PDE10A: variants seen among roughly 807,000 people sequenced by gnomAD.
PDE10A encodes cAMP and cAMP-inhibited cGMP 3',5'-cyclic phosphodiesterase 10A.
Under a neutral mutation model 97.7 loss-of-function variants are expected in PDE10A, and 39 were observed. The ratio of observed to expected loss-of-function variants is 0.40; its 90% confidence interval spans 0.31 to 0.52. The LOEUF is 0.52. Ranked by LOEUF, PDE10A falls within the 20% of genes least tolerant of loss-of-function variation. PDE10A has a pLI of 0.56. For missense variants in PDE10A, 731 were observed against 1,047.8 expected (o/e 0.70, Z 4.17); for synonymous variants, 371 against 376.8 (o/e 0.98, Z 0.18).
chr6:165,781,335 C>G (rs1160156566), intron 1 of PDE10A: 1 of 152,170 alleles, frequency 6.6e-6, no homozygotes, highest in Admixed American at 6.5e-5. Context: ...TACGGCCACA[C>G]TGTACAGACT....
At chr6:165,721,304 C>CA (rs1369101924) in intron 1 of PDE10A, among the ~76,000 whole-genome samples, 7 of 152,230 alleles carry the variant, frequency 4.6e-5, no homozygotes, top group African/African-American at 1.7e-4. Flanking sequence ...AATTACATTT[C>CA]AAAAAATCCT....
At chr6:165,465,432 T>C (rs908364355) in intron 3 of PDE10A, among the ~76,000 whole-genome samples, 1 of 152,222 alleles carries the variant, frequency 6.6e-6, no homozygotes, top group African/African-American at 2.4e-5. Flanking sequence ...CACCTTCACT[T>C]GTTCTACAGT....
intron 2 of PDE10A, among the ~76,000 whole-genome samples, chr6:165,520,586 A>G (rs969612600): frequency 6.6e-6 from 1 of 152,168 alleles, no homozygotes; most frequent in African/African-American, 2.4e-5. Flanking sequence ...TCAAGCACTA[A>G]GAATTTCCTA....
chr6:165,559,517 C>CATGT (rs1458942281), intron 1 of PDE10A, among the ~76,000 whole-genome samples: 1 of 152,304 alleles, frequency 6.6e-6, no homozygotes, highest in African/African-American at 2.4e-5. Context: ...CAATTTGAAA[C>CATGT]ATGAGAATAC....
intron 18 of PDE10A, 22 bp downstream of exon 18, chr6:165,379,172 A>G: frequency 6.5e-7 from 1 of 1,546,746 alleles, no homozygotes; most frequent in East Asian, 2.3e-5. Flanking sequence ...TGGGCTTCTA[A>G]GCTTTTAAAA....
chr6:165,520,180 A>C (rs1304592796), intron 2 of PDE10A, among the ~76,000 whole-genome samples: 1 of 152,174 alleles, frequency 6.6e-6, no homozygotes, highest in Non-Finnish European at 1.5e-5. Flanking sequence ...GTACTTCTTG[A>C]CTTATATAGA....
intron 1 of PDE10A, among the ~76,000 whole-genome samples, chr6:165,750,530 G>T (rs1324356294): frequency 6.6e-6 from 1 of 152,114 alleles, no homozygotes; most frequent in Non-Finnish European, 1.5e-5. Context: ...CTTGTCAAGG[G>T]CGAATTTATT....
rs577211380 is a variant in PDE10A, at chr6:165,854,256, C to T, written c.-615+133273G>A. 1.4e-4 allele frequency among the ~76,000 whole-genome samples: 22 copies of T among 152,268 alleles called. 1 individual carries two copies. The highest frequency in any genetic ancestry group is 7.2e-4 in the Admixed American group (11 of 15,304). Reference sequence around the variant, plus strand: ...TTTGCCTGGACGTCAGGGTGGAGCCCGGGAATCGCCCCTGCGCCGGGTGAC... The same window carrying T: ...TTTGCCTGGACGTCAGGGTGGAGCCTGGGAATCGCCCCTGCGCCGGGTGAC... On this transcript the variant is annotated intron_variant, in intron 1 of 19. Transcript: ENST00000366882.
chr6:165,870,178 G>A (rs1372607808), intron 1 of PDE10A, among the ~76,000 whole-genome samples: 2 of 152,120 alleles, frequency 1.3e-5, no homozygotes, highest in African/African-American at 4.8e-5. Flanking sequence ...GAATGGGAGA[G>A]AAAATATTTG....
chr6:165,513,579 T>C (rs533467465), intron 2 of PDE10A, among the ~76,000 whole-genome samples: 16 of 152,222 alleles, frequency 1.1e-4, no homozygotes, highest in African/African-American at 3.8e-4. Context: ...TAAAAAGACC[T>C]GCGGGGATTT....
chr6:165,599,412 C>T (rs1345973333), intron 1 of PDE10A, among the ~76,000 whole-genome samples: 2 of 152,192 alleles, frequency 1.3e-5, no homozygotes, highest in Non-Finnish European at 2.9e-5. Context: ...TCAGTACTAC[C>T]CTTTCCAAGC....
intron 1 of PDE10A, among the ~76,000 whole-genome samples, chr6:165,963,506 C>T (rs1198590328): frequency 6.6e-6 from 1 of 152,212 alleles, no homozygotes; most frequent in Non-Finnish European, 1.5e-5. Flanking sequence ...TGTTTAACAT[C>T]TTTGGATCAT....
At chr6:165,473,905 G>T (rs1779151840) in intron 3 of PDE10A, among the ~76,000 whole-genome samples, 1 of 152,098 alleles carries the variant, frequency 6.6e-6, no homozygotes, top group Non-Finnish European at 1.5e-5. Flanking sequence ...TTTCCACAAG[G>T]CTCAGGTACT....
At chr6:165,866,792 T>C (rs1781066840) in intron 1 of PDE10A, among the ~76,000 whole-genome samples, 1 of 149,920 alleles carries the variant, frequency 6.7e-6, no homozygotes. Flanking sequence ...ATAGTCAAAG[T>C]GCTGAAAGAA....
At chr6:165,780,155 T>C (rs146206727) in intron 1 of PDE10A, 4 of 152,350 alleles carry the variant, frequency 2.6e-5, no homozygotes, top group Middle Eastern at 3.4e-3. Flanking sequence ...GGGACTGAAA[T>C]TTAATAAATA....
intron 1 of PDE10A, among the ~76,000 whole-genome samples, chr6:165,547,575 C>T (rs1783800995): frequency 6.6e-6 from 1 of 152,040 alleles, no homozygotes; most frequent in Non-Finnish European, 1.5e-5. Flanking sequence ...AAGATAATTG[C>T]TTCTATGGTT....
At chr6:165,530,227 T>G (rs1206598911) in intron 2 of PDE10A, among the ~76,000 whole-genome samples, 1 of 152,006 alleles carries the variant, frequency 6.6e-6, no homozygotes, top group Non-Finnish European at 1.5e-5. Flanking sequence ...TGGGAACTTG[T>G]GATTGTGTAA....
intron 1 of PDE10A, among the ~76,000 whole-genome samples, chr6:165,585,048 T>C (rs1785827914): frequency 6.6e-6 from 1 of 152,222 alleles, no homozygotes; most frequent in Non-Finnish European, 1.5e-5. Flanking sequence ...CCTGCTCTTA[T>C]CCCTTATCAT....
chr6:165,493,980 AAAC>A (rs1780374655), intron 2 of PDE10A, among the ~76,000 whole-genome samples: 1 of 152,138 alleles, frequency 6.6e-6, no homozygotes, highest in African/African-American at 2.4e-5. Context: ...AGAAAAAAAA[AAAC>A]AATCCCATCA....
Sources: allele counts gnomAD v4.1 joint callset (sites outside exome capture counted in the v4.1 genomes callset), GRCh38; gene constraint gnomAD v4.1.1; transcripts MANE v1.5; gene names NCBI Gene and HGNC (gene_info 2026-07-23, HGNC 2026-07-21).